CASP5: variants seen among roughly 807,000 people sequenced by gnomAD.
CASP5 encodes caspase-5.
CASP5 carries 42 observed loss-of-function variants against 45.2 expected under a neutral mutation model. The ratio of observed to expected loss-of-function variants is 0.93; its 90% confidence interval spans 0.73 to 1.20. CASP5 has a LOEUF of 1.20. Among genes scored for constraint, CASP5 ranks in the 50% most tolerant of loss-of-function variants. CASP5 has a pLI of 0.00. For synonymous variants in CASP5, 209 were observed against 186.2 expected (o/e 1.12, Z -1.00); for missense variants, 512 against 532.2 (o/e 0.96, Z 0.37).
intron 3 of CASP5, 101 bp from the exon 4 acceptor site, chr11:105,003,484 A>T: frequency 1.5e-6 from 1 of 662,860 alleles, no homozygotes; most frequent in East Asian, 2.7e-5. Flanking sequence ...CCTAGGAAAA[A>T]GACTCTTTAT....
At chr11:105,002,236 C>A in intron 4 of CASP5, 35 bp from the exon 5 acceptor site, 3 of 1,606,708 alleles carry the variant, frequency 1.9e-6, no homozygotes, top group Non-Finnish European at 2.6e-6. Flanking sequence ...CTTTGATTAC[C>A]CGAGTCTCTT....
intron 7 of CASP5, among the ~76,000 whole-genome samples, chr11:104,997,843 A>G (rs187260168): frequency 6.6e-6 from 1 of 152,310 alleles, no homozygotes; most frequent in Admixed American, 6.5e-5. Context: ...AGAAGGATGA[A>G]TAAACTTTTA....
At chr11:105,012,738 A>C (rs76930015) in intron 1 of CASP5, among the ~76,000 whole-genome samples, 3,905 of 118,788 alleles carry the variant, frequency 0.033, 147 homozygotes, top group African/African-American at 0.1. Context: ...AATGATTAGA[A>C]TGGGTATTAT....
intron 1 of CASP5, among the ~76,000 whole-genome samples, chr11:105,015,346 T>C (rs2134746201): frequency 6.6e-6 from 1 of 152,350 alleles, no homozygotes; most frequent in Admixed American, 6.5e-5. Context: ...CACAGTATTA[T>C]TTTTAAAAAA....
intron 2 of CASP5, among the ~76,000 whole-genome samples, chr11:105,007,822 A>G (rs573880150): frequency 1.8e-4 from 28 of 152,254 alleles, no homozygotes; most frequent in Middle Eastern, 3.4e-3. Context: ...CTATACCCAC[A>G]TCTTTGTGCT....
At chr11:105,008,300 T>C (rs1309433057) in intron 2 of CASP5, among the ~76,000 whole-genome samples, 1 of 152,080 alleles carries the variant, frequency 6.6e-6, no homozygotes, top group African/African-American at 2.4e-5. Flanking sequence ...TGAAAATACA[T>C]CTAGAGCTAA....
chr11:105,011,390 T>C (rs986723980), intron 1 of CASP5, among the ~76,000 whole-genome samples: 7 of 151,800 alleles, frequency 4.6e-5, no homozygotes, highest in African/African-American at 1.7e-4. Context: ...TCTTCAAAGA[T>C]TAGGAAGAGG....
At chr11:104,997,529 C>A (rs372078561) in intron 7 of CASP5, 37 bp from the exon 8 acceptor site, 2 of 1,286,020 alleles carry the variant, frequency 1.6e-6, no homozygotes, top group Admixed American at 2.0e-5. Flanking sequence ...TGGGCTACGA[C>A]TTTCACTATG....
intron 2 of CASP5, 87 bp downstream of exon 2, chr11:105,008,720 G>C (rs1475196519): frequency 1.3e-5 from 12 of 891,606 alleles, no homozygotes; most frequent in African/African-American, 1.2e-4. Flanking sequence ...AGGAGGATAG[G>C]GGGATCACAG....
At chr11:105,008,077 A>C (rs922911581) in intron 2 of CASP5, among the ~76,000 whole-genome samples, 2 of 152,138 alleles carry the variant, frequency 1.3e-5, no homozygotes, top group Non-Finnish European at 2.9e-5. Context: ...TATCAAAGTG[A>C]TAAATTTTTT....
chr11:105,009,717 AC>A, intron 1 of CASP5, among the ~76,000 whole-genome samples: 1 of 49,818 alleles, frequency 2.0e-5, no homozygotes, highest in Admixed American at 2.1e-4. Flanking sequence ...ATATATATAC[AC>A]ACATATATAT....
intron 3 of CASP5, among the ~76,000 whole-genome samples, chr11:105,003,799 T>A (rs1451244593): frequency 1.3e-5 from 2 of 151,996 alleles, no homozygotes; most frequent in Non-Finnish European, 2.9e-5. Flanking sequence ...AAATACAATG[T>A]GAGTTCCATA....
chr11:105,016,670 C>T (rs559237361), intron 1 of CASP5, among the ~76,000 whole-genome samples: 8,394 of 152,118 alleles, frequency 0.055, 680 homozygotes, highest in African/African-American at 0.19. Flanking sequence ...CACGGAGTCT[C>T]GCTGATTGCT....
chr11:105,016,439 C>T (rs1862596615), intron 1 of CASP5, among the ~76,000 whole-genome samples: 1 of 152,146 alleles, frequency 6.6e-6, no homozygotes, highest in African/African-American at 2.4e-5. Context: ...GGGCGCAGGT[C>T]AGTGGGTGCG....
intron 1 of CASP5, among the ~76,000 whole-genome samples, chr11:105,010,186 C>G (rs894816025): frequency 6.6e-6 from 1 of 150,858 alleles, no homozygotes; most frequent in African/African-American, 2.4e-5. Flanking sequence ...ATCTTGAGTT[C>G]ATATGCCAAT....
intron 2 of CASP5, among the ~76,000 whole-genome samples, chr11:105,007,790 A>G (rs1446063150): frequency 1.3e-5 from 2 of 152,060 alleles, no homozygotes; most frequent in Admixed American, 6.6e-5. Flanking sequence ...ATATCTTTGA[A>G]TTTGCATTTT....
At chr11:105,022,994 C>G (rs1863051109) in intron 1 of CASP5, 136 bp downstream of exon 1, 1 of 789,374 alleles carries the variant, frequency 1.3e-6, no homozygotes, top group Non-Finnish European at 2.2e-6. Flanking sequence ...TACATACCAC[C>G]AATAAGAGAA....
At chr11:105,021,581 A>G (rs1444661249) in intron 1 of CASP5, among the ~76,000 whole-genome samples, 3 of 150,106 alleles carry the variant, frequency 2.0e-5, no homozygotes, top group Non-Finnish European at 4.5e-5. Context: ...ACTGGCCATC[A>G]GAGAAATGCA....
In CASP5 at chr11:105,019,667, G is replaced by T. The variant is rs1388166146; in HGVS notation, c.7+3463C>A. On this transcript the variant is annotated intron_variant, in intron 1 of 9. Coordinates refer to ENST00000260315, the MANE Select transcript of CASP5 (RefSeq NM_004347.5). ...TCTGAAATTGTGGCAATAATCAAAA[G>T]CTTACCAACTAAAAAGAGTCCAGGA... Among the ~76,000 whole-genome samples the T allele has an allele frequency of 9.6e-5, 14 of 145,230 alleles. No individual in the cohort carries two copies. The East Asian group carries it at 2.5e-3, about 26-fold the overall frequency.
Sources: allele counts gnomAD v4.1 joint callset (sites outside exome capture counted in the v4.1 genomes callset), GRCh38; gene constraint gnomAD v4.1.1; transcripts MANE v1.5; gene names NCBI Gene and HGNC (gene_info 2026-07-23, HGNC 2026-07-21).